L3MBTL1: variants seen among roughly 807,000 people sequenced by gnomAD.
L3MBTL1 encodes lethal(3)malignant brain tumor-like protein 1.
A neutral mutation model predicts 105.3 loss-of-function variants in L3MBTL1; 75 were observed. The ratio of observed to expected loss-of-function variants is 0.71; its 90% CI spans 0.59 to 0.86. The LOEUF (loss-of-function observed/expected upper bound fraction) is 0.86, where lower values mean the gene tolerates loss of function less well. Among genes scored for constraint, L3MBTL1 ranks in the 40% least tolerant of loss-of-function variants. The pLI, the probability that L3MBTL1 is intolerant of heterozygous loss-of-function variation, is 0.00. For synonymous variants in L3MBTL1, 452 were observed against 436.2 expected (o/e 1.04, Z -0.45); for missense variants, 1,069 against 1,126.4 (o/e 0.95, Z 0.73).
At chr20:43,514,378 G>T in intron 3 of L3MBTL1, 1 of 1,385,356 alleles carries the variant, frequency 7.2e-7, no homozygotes, top group Non-Finnish European at 9.5e-7. Context: ...GGGGTACCGT[G>T]GGACTGGGCC....
intron 1 of L3MBTL1, among the ~76,000 whole-genome samples, chr20:43,511,543 AGGCCGAGGTG>A (rs1334157516): frequency 6.6e-6 from 1 of 152,128 alleles, no homozygotes; most frequent in Non-Finnish European, 1.5e-5. Context: ...GCACTTTGGG[AGGCCGAGGTG>A]GGCGGATCAC....
chr20:43,516,527 C>T (rs2018402775), intron 7 of L3MBTL1, among the ~76,000 whole-genome samples: 1 of 152,174 alleles, frequency 6.6e-6, no homozygotes, highest in African/African-American at 2.4e-5. Context: ...CTGCACTGGT[C>T]ATTGGTCTAA....
chr20:43,533,846 A>G (rs1326124863), intron 13 of L3MBTL1, among the ~76,000 whole-genome samples, 162 bp from the exon 14 acceptor site: 1 of 152,126 alleles, frequency 6.6e-6, no homozygotes, highest in African/African-American at 2.4e-5. Flanking sequence ...ACTAGCACCC[A>G]TCTGCCTGAG....
In L3MBTL1 at chr20:43,540,955, C is replaced by T. The variant is rs887687633; in HGVS notation, c.2416C>T (p.His806Tyr). ...KDEARIVRVT[H>Y]VSGKTLVWTV... ...CCAGGCAAGAATAGTCAGAGTGACCCATGTATCTGGGAAGACTCTAGTCTG... is the reference window on the plus strand; with the variant it reads ...CCAGGCAAGAATAGTCAGAGTGACCTATGTATCTGGGAAGACTCTAGTCTG... Residue 806 changes from histidine (H) to tyrosine (Y), a missense_variant, in exon 22 of 22, where the codon CAT becomes TAT. Physicochemically the swap from His to Tyr is moderately conservative, Grantham distance 83 (BLOSUM62 2). Transcript: ENST00000418998. 2 of 1,614,102 alleles carry T rather than the reference C, an allele frequency of 1.2e-6. No homozygotes were observed. Among genetic ancestry groups the T allele is most frequent in the Non-Finnish European group, 1.7e-6 (2 of 1,180,004 alleles).
chr20:43,525,833 C>A (rs1357480513), intron 7 of L3MBTL1, among the ~76,000 whole-genome samples: 4 of 152,130 alleles, frequency 2.6e-5, no homozygotes, highest in African/African-American at 9.7e-5. Context: ...TGAAGTCTTT[C>A]CGGCATCTCT....
At chr20:43,518,584 T>C (rs1227046273) in intron 7 of L3MBTL1, among the ~76,000 whole-genome samples, 8 of 152,158 alleles carry the variant, frequency 5.3e-5, no homozygotes, top group African/African-American at 1.2e-4. Flanking sequence ...TTCACAGTTA[T>C]AGTAGTCCCC....
chr20:43,550,588 C>T (rs1203167074), exon 19 of L3MBTL1: 1 of 152,236 alleles, frequency 6.6e-6, no homozygotes, highest in African/African-American at 2.4e-5. Context: ...TTGGCAGAGA[C>T]TTCTGGTGCC....
At chr20:43,540,441 C>A in intron 20 of L3MBTL1, 133 bp downstream of exon 20, 1 of 1,045,090 alleles carries the variant, frequency 9.6e-7, no homozygotes, top group Non-Finnish European at 1.4e-6. Flanking sequence ...CTGTCCTGTG[C>A]ACAGTCCCTT....
intron 19 of L3MBTL1, 112 bp from the exon 20 acceptor site, chr20:43,540,039 G>A (rs763981868): frequency 1.1e-5 from 14 of 1,255,636 alleles, no homozygotes; most frequent in Non-Finnish European, 1.4e-5. Context: ...GAAGGGGCCC[G>A]GAGTCCTGTC....
rs1422363077 is a variant in L3MBTL1, at chr20:43,515,579, G to A, written c.777+164G>A. ...CCATCCTGAGTTAGGTCCTATACCT[G>A]GTTAAAGGGAAATGAATTAATCACT... On this transcript the variant is annotated intron_variant, in intron 6 of 21. Coordinates refer to ENST00000418998, the MANE Select transcript of L3MBTL1 (RefSeq NM_001377303.1). 3 of 790,408 alleles carry A rather than the reference G, an allele frequency of 3.8e-6. No homozygotes were observed. The East Asian group carries it at 8.2e-5, about 22-fold the overall frequency. 49.0% of individuals were successfully genotyped at this position (790,408 alleles called of 1,614,324 possible).
Position 43,540,181 on chromosome 20 carries a change from T to G in L3MBTL1, c.2204T>G (p.Leu735Arg), listed in dbSNP as rs2019842130. Reference protein sequence around the residue: ...TLTPDVVHQSLFMSALSAHPD... With the variant: ...TLTPDVVHQSRFMSALSAHPD... ...ACGCCCGATGTCGTGCACCAGTCCC[T>G]CTTCATGTCAGCCCTGTCGGCCCAC... The change falls in exon 20 of 22, where the codon CTC (leucine) becomes CGC (arginine). Residue 735 changes from leucine to arginine, a missense_variant. Physicochemically the swap from Leu to Arg is moderately radical, Grantham distance 102. Transcript: ENST00000418998. The G allele has an allele frequency of 1.5e-5, 24 of 1,613,080 alleles. No individual in the cohort carries two copies. Among genetic ancestry groups the G allele is most frequent in the Non-Finnish European group, 2.0e-5 (24 of 1,180,036 alleles).
intron 7 of L3MBTL1, among the ~76,000 whole-genome samples, chr20:43,526,445 T>TC (rs1241610817): frequency 6.6e-6 from 1 of 152,152 alleles, no homozygotes; most frequent in Non-Finnish European, 1.5e-5. Flanking sequence ...GTGGGAGAAC[T>TC]GGAGGGTTTC....
In L3MBTL1 at chr20:43,541,088, T is replaced by A. The variant is rs774861471; in HGVS notation, c.2549T>A (p.Leu850Ter). 3.1e-6 allele frequency: 5 copies of A among 1,614,194 alleles called. 1 individual carries two copies. The South Asian group carries it at 5.5e-5, about 18-fold the overall frequency. ...CTCCTCTGCTCTCTACCCACTCATT[T>A]GCTTGCCAAACTTAGCTTTGCCAGT... ...HSLLCSLPTHLLAKLSFASDS... is the reference protein window; with the variant it reads ...HSLLCSLPTH Residue 850 changes from leucine to a stop codon, truncating the protein, a stop_gained, in exon 22 of 22, where the codon TTG (leucine) becomes TAG (stop). Coordinates refer to ENST00000418998, the MANE Select transcript of L3MBTL1 (RefSeq NM_001377303.1). LOFTEE classifies it low-confidence loss of function (END_TRUNC).
At chr20:43,509,966 G>A (rs1376718157) in intron 1 of L3MBTL1, among the ~76,000 whole-genome samples, 1 of 151,194 alleles carries the variant, frequency 6.6e-6, no homozygotes, top group Non-Finnish European at 1.5e-5. Context: ...TGGGTTCAAG[G>A]GATTCTCCTG....
chr20:43,544,378 T>C (rs890828577), downstream of L3MBTL1, among the ~76,000 whole-genome samples: 2 of 152,238 alleles, frequency 1.3e-5, no homozygotes, highest in African/African-American at 2.4e-5. Context: ...GGTGGATTAT[T>C]GTATGGCTTA....
At position 43,530,783 on chromosome 20, in the gene L3MBTL1, C is replaced by T. The variant is rs770152093; in HGVS notation, c.1193-15C>T. On this transcript the variant is annotated splice_polypyrimidine_tract_variant and intron_variant, in intron 10 of 21. Coordinates refer to ENST00000418998, the MANE Select transcript of L3MBTL1 (RefSeq NM_001377303.1). ...CTCTGCACGGCGCTCTGTTCATGCC[C>T]CTCGAGGGGCCTAGGTTACAAGGAG... The T allele has an allele frequency of 1.2e-6, 2 of 1,613,062 alleles. No individual in the cohort carries two copies. Among genetic ancestry groups the T allele is most frequent in the South Asian group, 1.1e-5 (1 of 91,032 alleles).
chr20:43,527,605 G>T (rs2019101153), intron 7 of L3MBTL1, among the ~76,000 whole-genome samples: 1 of 152,092 alleles, frequency 6.6e-6, no homozygotes, highest in Non-Finnish European at 1.5e-5. Context: ...GGCTGTGTGT[G>T]TCTGGGAGGG....
chr20:43,513,817 T>C (rs1170944454), intron 2 of L3MBTL1, 21 bp from the exon 3 acceptor site: 3 of 1,549,790 alleles, frequency 1.9e-6, no homozygotes, highest in Non-Finnish European at 2.6e-6. Flanking sequence ...GTGTCGTGTC[T>C]ATTTGTATAT....
At chr20:43,527,893 G>C (rs529114633) in intron 7 of L3MBTL1, among the ~76,000 whole-genome samples, 1 of 149,562 alleles carries the variant, frequency 6.7e-6, no homozygotes, top group Non-Finnish European at 1.5e-5. Context: ...ATAATTTTTG[G>C]TTTTTTGTTT....
Sources: allele counts gnomAD v4.1 joint callset (sites outside exome capture counted in the v4.1 genomes callset), GRCh38; gene constraint gnomAD v4.1.1; transcripts MANE v1.5; gene names NCBI Gene and HGNC (gene_info 2026-07-23, HGNC 2026-07-21).